The following CEP350 variants were observed in gnomAD, a reference collection of about 807,000 sequenced individuals.
CEP350 encodes centrosomal protein 350.
CEP350 carries 126 observed loss-of-function variants against 331.8 expected under a neutral mutation model. The ratio of observed to expected loss-of-function variants is 0.38; its 90% CI spans 0.33 to 0.44. The LOEUF (loss-of-function observed/expected upper bound fraction) is 0.44, where lower values mean the gene tolerates loss of function less well. Ranked by LOEUF, CEP350 falls within the 20% of genes least tolerant of loss-of-function variation. The pLI is 1.00. For missense variants in CEP350, 3,406 were observed against 3,634.6 expected, an observed-to-expected ratio of 0.94 and a Z score of 1.62; for synonymous variants, 1,200 against 1,259.5, an observed-to-expected ratio of 0.95 and a Z score of 1.00.
chr1:179,967,222 A>G (rs1323997119), intron 1 of CEP350, among the ~76,000 whole-genome samples: 2 of 152,222 alleles, frequency 1.3e-5, no homozygotes, highest in Non-Finnish European at 2.9e-5. Flanking sequence ...ATATTTTTCC[A>G]AAGAAAATCT....
chr1:179,972,937 G>A (rs1309457323), intron 1 of CEP350, among the ~76,000 whole-genome samples: 2 of 145,502 alleles, frequency 1.4e-5, no homozygotes, highest in African/African-American at 2.6e-5. Context: ...GCATGATCTC[G>A]GCTCACTGCA....
At chr1:179,958,433 C>A (rs1461481547) in intron 1 of CEP350, among the ~76,000 whole-genome samples, 3 of 152,010 alleles carry the variant, frequency 2.0e-5, no homozygotes, top group African/African-American at 7.2e-5. Context: ...TTAAAAATGT[C>A]CTAAATGTCT....
intron 22 of CEP350, among the ~76,000 whole-genome samples, chr1:180,050,673 C>CAAAAAAA (rs4058356): frequency 3.6e-5 from 3 of 84,054 alleles, no homozygotes; most frequent in African/African-American, 7.8e-5. Flanking sequence ...CCAAAAAAAC[C>CAAAAAAA]AAAAAAAAAA....
chr1:180,042,271 G>A (rs796230152), intron 19 of CEP350, among the ~76,000 whole-genome samples: 4 of 151,840 alleles, frequency 2.6e-5, no homozygotes, highest in African/African-American at 7.2e-5. Flanking sequence ...ATCTGCTTTG[G>A]GTGAAGATGT....
chr1:180,088,731 CTTCAGT>C (rs2149112979), intron 32 of CEP350, among the ~76,000 whole-genome samples: 1 of 152,216 alleles, frequency 6.6e-6, no homozygotes, highest in East Asian at 1.9e-4. Context: ...CCGCTCTGTG[CTTCAGT>C]TTTTTAATAG....
chr1:180,041,169 C>G lies in CEP350; in HGVS notation c.4142C>G (p.Ala1381Gly). The G allele has an allele frequency of 6.3e-7, 1 of 1,596,810 alleles. No individual in the cohort carries two copies. Among genetic ancestry groups the G allele is most frequent in the Admixed American group, 1.7e-5 (1 of 57,496 alleles). Residue 1381 changes from alanine (A) to glycine (G), a missense_variant, in exon 18 of 38, where the codon GCC becomes GGC. By Grantham distance (60) the Ala-to-Gly change is moderately conservative. Coordinates refer to ENST00000367607, the MANE Select transcript of CEP350 (RefSeq NM_014810.5). ...CAGCAACGCCATGAAAGAGACTTGG[C>G]CCTCTTGAAACTAAAGGCTGAACAA... is the stretch of plus-strand genomic sequence containing the variant. ...AQQQRHERDL[A>G]LLKLKAEQEA...
chr1:179,961,840 T>C (rs1243099969), intron 1 of CEP350, among the ~76,000 whole-genome samples: 4 of 152,104 alleles, frequency 2.6e-5, no homozygotes, highest in Non-Finnish European at 4.4e-5. Flanking sequence ...CCTTTACCCC[T>C]TACCTGTCAC....
intron 11 of CEP350, among the ~76,000 whole-genome samples, chr1:180,018,621 C>G (rs954566647): frequency 6.6e-6 from 1 of 152,108 alleles, no homozygotes; most frequent in Non-Finnish European, 1.5e-5. Context: ...CTGGTTACCC[C>G]CCTTCAGATG....
intron 37 of CEP350, among the ~76,000 whole-genome samples, chr1:180,107,743 A>G (rs1661224869): frequency 6.6e-6 from 1 of 152,182 alleles, no homozygotes. Context: ...AGACCCTGGC[A>G]TCTGCTTGCT....
Position 180,020,817 on chromosome 1 carries a change from A to AAGG in CEP350, c.3045_3047dup (p.Glu1016dup), listed in dbSNP as rs770344530. ...GAAAGTAGCAGAAATTTTAAAAGAA[A>AAGG]AGGAATTTTGTCCTGGAGAAAGAAA... On this transcript the variant is annotated inframe_insertion, in exon 12 of 38. Transcript: ENST00000367607. 1.2e-6 allele frequency: 2 copies of AAGG among 1,613,168 alleles called. No homozygotes were observed. The highest frequency in any genetic ancestry group is 2.2e-5 in the South Asian group (2 of 91,000).
rs769416279 is a variant in CEP350 at position 180,043,226 on chromosome 1, ACTGT to A, written c.4499+39_4499+42del. The A allele has an allele frequency of 1.4e-4, 226 of 1,573,720 alleles. 1 individual carries two copies. In the African/African-American group the frequency reaches 2.8e-3, roughly 19 times the overall value. The stretch of plus-strand genomic sequence containing the variant: ...TCATTCAGTCAGCAAATATATAATG[ACTGT>A]CTGTTAGGTTAATATTCATTCAGCA... On this transcript the variant is annotated intron_variant, in intron 20 of 37. Coordinates refer to ENST00000367607, the MANE Select transcript of CEP350 (RefSeq NM_014810.5).
chr1:179,954,948 G>A lies in CEP350; in HGVS notation c.-208G>A. 2 of 1,029,856 alleles carry A rather than the reference G, an allele frequency of 1.9e-6. No individual in the cohort carries two copies. Among genetic ancestry groups the A allele is most frequent in the Non-Finnish European group, 2.6e-6 (2 of 774,116 alleles). The allele number at this position is 1,029,856 out of a possible 1,614,324, so 63.8% of individuals were successfully genotyped here. A position where few individuals can be genotyped will look rare whatever the true frequency, so the allele number is the denominator to read the frequency against. On this transcript the variant is annotated 5_prime_UTR_variant, in exon 1 of 38. Coordinates refer to ENST00000367607, the MANE Select transcript of CEP350 (RefSeq NM_014810.5). Reference sequence around the variant, plus strand: ...GGCTTGCCCTGAGGGAGGGGAGGCAGCCTTTCCGCCTTGTCTTCCTTCCCA... The same window carrying A: ...GGCTTGCCCTGAGGGAGGGGAGGCAACCTTTCCGCCTTGTCTTCCTTCCCA...
intron 24 of CEP350, 117 bp downstream of exon 24, chr1:180,054,051 C>G (rs1657666423): frequency 1.3e-6 from 1 of 752,302 alleles, no homozygotes; most frequent in South Asian, 2.9e-5. Context: ...GTTTCTCAAG[C>G]TAGAAATAAC....
intron 21 of CEP350, among the ~76,000 whole-genome samples, chr1:180,045,555 A>G (rs753075181): frequency 2.0e-5 from 3 of 152,244 alleles, no homozygotes; most frequent in Non-Finnish European, 4.4e-5. Context: ...TGGGAAAAGT[A>G]CCAAAAGTTA....
In CEP350 at chr1:180,020,521, T is replaced by G. The variant is rs1263722056; in HGVS notation, c.2747T>G (p.Leu916Arg). 12 of 1,613,776 alleles carry G rather than the reference T, an allele frequency of 7.4e-6. No homozygotes were observed. The highest frequency in any genetic ancestry group is 3.3e-5 in the Admixed American group (2 of 59,990). Residue 916 changes from leucine to arginine, a missense_variant, in exon 12 of 38, where the codon CTT (leucine) becomes CGT (arginine). Leu to Arg is a moderately radical substitution (Grantham distance 102, BLOSUM62 -2). Transcript: ENST00000367607. Reference protein sequence around the residue: ...FDDDLPGVGNLSEFKKLPEMI... With the variant: ...FDDDLPGVGNRSEFKKLPEMI... ...GATGATCTTCCTGGTGTAGGCAATCTTAGTGAATTTAAAAAGCTTCCTGAG... is the reference window on the plus strand; with the variant it reads ...GATGATCTTCCTGGTGTAGGCAATCGTAGTGAATTTAAAAAGCTTCCTGAG...
At chr1:180,019,802 T>C in intron 11 of CEP350, 147 bp from the exon 12 acceptor site, 1 of 591,396 alleles carries the variant, frequency 1.7e-6, no homozygotes, top group Non-Finnish European at 2.7e-6. Flanking sequence ...TTTTATTGTT[T>C]TGCTGAGTGA....
At chr1:180,077,385 C>T (rs1414237430) in intron 28 of CEP350, among the ~76,000 whole-genome samples, 2 of 114,054 alleles carry the variant, frequency 1.8e-5, no homozygotes, top group Non-Finnish European at 4.0e-5. Flanking sequence ...ACATTAAAAC[C>T]AAAACAGCCT....
chr1:180,070,536 C>G (rs1242716888), intron 27 of CEP350, among the ~76,000 whole-genome samples: 2 of 151,884 alleles, frequency 1.3e-5, no homozygotes, highest in African/African-American at 4.8e-5. Context: ...AAATAAAGTC[C>G]CTTTGTTTTA....
At chr1:180,017,696 A>G (rs1204421280) in intron 11 of CEP350, among the ~76,000 whole-genome samples, 2 of 152,132 alleles carry the variant, frequency 1.3e-5, no homozygotes, top group East Asian at 3.9e-4. Context: ...CATTCCCGTT[A>G]ATAGTTTTAG....
Sources: allele counts gnomAD v4.1 joint callset (sites outside exome capture counted in the v4.1 genomes callset), GRCh38; gene constraint gnomAD v4.1.1; transcripts MANE v1.5; gene names NCBI Gene and HGNC (gene_info 2026-07-23, HGNC 2026-07-21).